Variants in SPHKAP observed in about 807,000 individuals in gnomAD.
The protein encoded by SPHKAP is A-kinase anchor protein SPHKAP.
SPHKAP carries 67 observed loss-of-function variants against 137.5 expected under a neutral mutation model. That is an observed-to-expected ratio of 0.49 (90% CI 0.40 to 0.60). SPHKAP has a LOEUF of 0.60. Among genes scored for constraint, SPHKAP ranks in the 20% least tolerant of loss-of-function variants. SPHKAP has a pLI of 0.00. For synonymous variants in SPHKAP, 813 were observed against 785.3 expected (o/e 1.04, Z -0.59); for missense variants, 2,097 against 2,069.3 (o/e 1.01, Z -0.26).
intron 11 of SPHKAP, among the ~76,000 whole-genome samples, chr2:227,983,245 C>T (rs1016237680): frequency 5.3e-5 from 8 of 152,050 alleles, no homozygotes; most frequent in African/African-American, 1.4e-4. Flanking sequence ...CATAGAGATC[C>T]GCTGTTAAAT....
At chr2:228,033,914 A>T (rs1034013935) in intron 3 of SPHKAP, among the ~76,000 whole-genome samples, 1 of 152,242 alleles carries the variant, frequency 6.6e-6, no homozygotes, top group East Asian at 1.9e-4. Context: ...CTAAATGCCC[A>T]CAAGAGAAAG....
chr2:228,067,370 C>G (rs981312468), intron 3 of SPHKAP, among the ~76,000 whole-genome samples: 1 of 152,130 alleles, frequency 6.6e-6, no homozygotes, highest in East Asian at 1.9e-4. Flanking sequence ...ATCAAGCAAA[C>G]AGTTTACAAA....
intron 4 of SPHKAP, among the ~76,000 whole-genome samples, chr2:228,026,227 T>C (rs981292602): frequency 2.6e-5 from 4 of 152,194 alleles, no homozygotes; most frequent in African/African-American, 7.2e-5. Flanking sequence ...CTCTTTCTTA[T>C]GTAAATTGCC....
intron 7 of SPHKAP, among the ~76,000 whole-genome samples, chr2:228,006,856 T>C (rs1166140804): frequency 1.3e-5 from 2 of 151,886 alleles, no homozygotes; most frequent in East Asian, 1.9e-4. Context: ...GAACAGTGAA[T>C]ATTGCTGAAC....
At chr2:228,023,920 G>A (rs1213159670) in intron 5 of SPHKAP, among the ~76,000 whole-genome samples, 1 of 152,068 alleles carries the variant, frequency 6.6e-6, no homozygotes, top group South Asian at 2.1e-4. Context: ...GATGCAATGA[G>A]ACTTCTGCTG....
rs1693615676 is a variant in SPHKAP, at chr2:227,995,709, ATAT to A, written c.4449-18_4449-16del. 1 of 1,553,762 alleles carries A rather than the reference ATAT, an allele frequency of 6.4e-7. No homozygotes were observed. Among genetic ancestry groups the A allele is most frequent in the African/African-American group, 1.4e-5 (1 of 72,752 alleles). ...CAAGGCTGTCACTGTAGAGGGCAAG[ATAT>A]TATTACCAAGAGAGGCAGCACACAC... On this transcript the variant is annotated splice_polypyrimidine_tract_variant and intron_variant, in intron 7 of 11. Coordinates refer to ENST00000392056, the MANE Select transcript of SPHKAP (RefSeq NM_001142644.2).
chr2:228,151,943 C>T (rs1260830674), intron 1 of SPHKAP, among the ~76,000 whole-genome samples: 2 of 151,992 alleles, frequency 1.3e-5, no homozygotes, highest in Admixed American at 1.3e-4. Context: ...TTTTATTATC[C>T]TTAAATTCAA....
intron 3 of SPHKAP, among the ~76,000 whole-genome samples, chr2:228,075,012 G>C (rs1001751352): frequency 6.6e-6 from 1 of 152,136 alleles, no homozygotes; most frequent in Admixed American, 6.5e-5. Flanking sequence ...GGAAGAAGAG[G>C]GCATTCTATT....
intron 3 of SPHKAP, among the ~76,000 whole-genome samples, chr2:228,031,365 C>T (rs948503883): frequency 6.6e-6 from 1 of 152,198 alleles, no homozygotes. Context: ...ACAAAAATGC[C>T]AGGAAGCTCG....
intron 2 of SPHKAP, among the ~76,000 whole-genome samples, chr2:228,110,282 T>A: frequency 6.6e-6 from 1 of 151,928 alleles, no homozygotes; most frequent in East Asian, 1.9e-4. Flanking sequence ...ATATTACTCA[T>A]CTAAAAATAA....
At chr2:228,155,381 C>T (rs1293140634) in intron 1 of SPHKAP, among the ~76,000 whole-genome samples, 1 of 152,166 alleles carries the variant, frequency 6.6e-6, no homozygotes, top group Admixed American at 6.5e-5. Flanking sequence ...CAACCTGAAG[C>T]ATTATGCTCC....
chr2:228,028,563 ATTTTTACTGTT>A (rs1021473590), intron 3 of SPHKAP, among the ~76,000 whole-genome samples: 2 of 152,202 alleles, frequency 1.3e-5, no homozygotes, highest in African/African-American at 4.8e-5. Context: ...ATAATACCGT[ATTTTTACTGTT>A]TTTACCTTTT....
chr2:228,129,536 G>C (rs1164251946), intron 2 of SPHKAP, among the ~76,000 whole-genome samples: 1 of 151,984 alleles, frequency 6.6e-6, no homozygotes, highest in East Asian at 1.9e-4. Context: ...AATGTATTTA[G>C]GTCGGGCCAT....
At chr2:228,042,368 T>C (rs1361991912) in intron 3 of SPHKAP, among the ~76,000 whole-genome samples, 1 of 152,172 alleles carries the variant, frequency 6.6e-6, no homozygotes, top group Non-Finnish European at 1.5e-5. Context: ...TATATTTATT[T>C]TTTAAAGATA....
At chr2:227,990,409 CCTTACT>C (rs1440854439) in intron 11 of SPHKAP, among the ~76,000 whole-genome samples, 1 of 152,128 alleles carries the variant, frequency 6.6e-6, no homozygotes, top group Non-Finnish European at 1.5e-5. Flanking sequence ...CAGATTCATG[CCTTACT>C]CTTAATAGCT....
intron 2 of SPHKAP, among the ~76,000 whole-genome samples, chr2:228,127,787 C>T (rs957503601): frequency 6.6e-6 from 1 of 152,016 alleles, no homozygotes; most frequent in Non-Finnish European, 1.5e-5. Flanking sequence ...TGGATTCAGT[C>T]GCAGACCCCC....
At chr2:228,036,979 C>T (rs1215812969) in intron 3 of SPHKAP, among the ~76,000 whole-genome samples, 4 of 152,020 alleles carry the variant, frequency 2.6e-5, no homozygotes, top group Non-Finnish European at 4.4e-5. Flanking sequence ...CACCTGTATA[C>T]ATATGTAACA....
Position 228,070,472 on chromosome 2 carries a change from G to C in SPHKAP, c.246+38360C>G, listed in dbSNP as rs1229034369. Among the ~76,000 whole-genome samples, 3 of 152,050 alleles carry C rather than the reference G, an allele frequency of 2.0e-5. No homozygotes were observed. The East Asian group carries it at 5.8e-4, about 29-fold the overall frequency. ...CATTTCTGTAAAAATGTTTTGAAAT[G>C]ATACCAATTCTTCTTCCACAGTCTG... On this transcript the variant is annotated intron_variant, in intron 3 of 11. Coordinates refer to ENST00000392056, the MANE Select transcript of SPHKAP (RefSeq NM_001142644.2).
chr2:228,024,342 G>GTT (rs56031418), intron 5 of SPHKAP, among the ~76,000 whole-genome samples: 18,673 of 124,310 alleles, frequency 0.15, 1,417 homozygotes, highest in East Asian at 0.35. Flanking sequence ...TGCAGAGGCA[G>GTT]TTTTTTTTTT....
Sources: gnomAD v4.1 joint callset for allele counts (sites outside exome capture counted in the v4.1 genomes callset) on GRCh38, gnomAD v4.1.1 for gene constraint, MANE v1.5 for transcripts, NCBI Gene and HGNC (gene_info 2026-07-23, HGNC 2026-07-21) for gene names.